Variants in VWA3B observed in about 807,000 individuals in gnomAD.
VWA3B encodes the protein von Willebrand factor A domain containing 3B.
In VWA3B, 138 loss-of-function variants were observed where a neutral mutation model predicts 158.3. The ratio of observed to expected loss-of-function variants is 0.87; its 90% CI spans 0.76 to 1.00. The LOEUF is 1.00. Ranked by LOEUF, VWA3B falls within the 50% of genes least tolerant of loss-of-function variation. The pLI is 0.00. For missense variants in VWA3B, 1,555 were observed against 1,565.1 expected (o/e 0.99, Z 0.11); for synonymous variants, 596 against 587.3 (o/e 1.01, Z -0.21).
At chr2:98,308,043 G>C (rs758861439) in intron 26 of VWA3B, among the ~76,000 whole-genome samples, 2 of 152,114 alleles carry the variant, frequency 1.3e-5, no homozygotes, top group Non-Finnish European at 2.9e-5. Flanking sequence ...TGAACACAGC[G>C]AAATCTGATG....
chr2:98,125,798 G>A lies in VWA3B; in HGVS notation c.703-2441G>A, dbSNP rs940042639. 1.3e-5 allele frequency among the ~76,000 whole-genome samples: 2 copies of A among 152,108 alleles called. No individual in the cohort carries two copies. Among genetic ancestry groups the A allele is most frequent in the African/African-American group, 2.4e-5 (1 of 41,414 alleles). The stretch of plus-strand genomic sequence containing the variant: ...CCTGCCTCAGCCTCCCCAGTAGCTG[G>A]GACTACAGGCGCCTGCCACCACATC... On this transcript the variant is annotated intron_variant, in intron 5 of 27. Transcript: ENST00000477737. The surrounding 1 kb of genome is among the most constrained non-coding windows in gnomAD (Gnocchi z 4.1).
At chr2:98,181,252 C>T (rs2105351333) in intron 9 of VWA3B, 40 bp downstream of exon 9, 4 of 1,595,514 alleles carry the variant, frequency 2.5e-6, no homozygotes, top group East Asian at 4.5e-5. Flanking sequence ...GGGGCCTCCC[C>T]TCAAGTCCTG....
intron 22 of VWA3B, among the ~76,000 whole-genome samples, chr2:98,284,111 G>A (rs1350063589): frequency 6.6e-6 from 1 of 152,170 alleles, no homozygotes; most frequent in Admixed American, 6.5e-5. Context: ...AGCAAAGTTT[G>A]GCTAAATGTG....
chr2:98,221,349 G>A (rs1444763331), intron 14 of VWA3B, among the ~76,000 whole-genome samples: 1 of 152,118 alleles, frequency 6.6e-6, no homozygotes, highest in African/African-American at 2.4e-5. Context: ...GAAGAGCACG[G>A]CTTAATAACA....
chr2:98,240,669 A>G (rs145823669), intron 19 of VWA3B, among the ~76,000 whole-genome samples: 2 of 152,298 alleles, frequency 1.3e-5, no homozygotes, highest in Non-Finnish European at 2.9e-5. Context: ...CCCTGAAAGT[A>G]GGATGCAGAC....
At chr2:98,290,645 C>T (rs550167180) in intron 23 of VWA3B, 23 bp downstream of exon 23, 42 of 1,456,328 alleles carry the variant, frequency 2.9e-5, no homozygotes, top group South Asian at 1.5e-4. Context: ...TTTTTAATTT[C>T]GTGAGGCTTT....
At chr2:98,163,551 C>A (rs769874574) in intron 8 of VWA3B, among the ~76,000 whole-genome samples, 9 of 152,024 alleles carry the variant, frequency 5.9e-5, no homozygotes, top group Non-Finnish European at 1.2e-4. Flanking sequence ...ACAACAACAA[C>A]AACAACAATA....
chr2:98,150,304 T>C (rs1420233530), intron 7 of VWA3B, among the ~76,000 whole-genome samples: 3 of 152,218 alleles, frequency 2.0e-5, no homozygotes, highest in African/African-American at 7.2e-5. Flanking sequence ...GACTGCTCTT[T>C]CCAGGTGATG....
In VWA3B at chr2:98,093,308, C is replaced by T; in HGVS notation, c.196+20C>T. 6.2e-7 allele frequency: 1 copy of T among 1,609,586 alleles called. No homozygotes were observed. The highest frequency in any genetic ancestry group is 8.5e-7 in the Non-Finnish European group (1 of 1,176,404). On this transcript the variant is annotated intron_variant, in intron 2 of 27. Coordinates refer to ENST00000477737, the MANE Select transcript of VWA3B (RefSeq NM_144992.5). ...GTGAAGGTACAGTACTCACAAACAA[C>T]CAGCATGCTGCCATTTAGCCTTTGA...
chr2:98,311,695 C>T, intron 26 of VWA3B, 124 bp from the exon 27 acceptor site: 1 of 1,168,046 alleles, frequency 8.6e-7, no homozygotes, highest in South Asian at 1.7e-5. Context: ...GCTCCAGAGA[C>T]TCCTTTCCAT....
chr2:98,121,867 G>A (rs966394685), intron 5 of VWA3B: 4 of 165,318 alleles, frequency 2.4e-5, no homozygotes, highest in African/African-American at 9.5e-5. Flanking sequence ...AGGAGAGAGA[G>A]ATTGGAAGAC....
At chr2:98,169,910 G>C (rs1679436443) in intron 8 of VWA3B, among the ~76,000 whole-genome samples, 1 of 152,078 alleles carries the variant, frequency 6.6e-6, no homozygotes, top group Non-Finnish European at 1.5e-5. Context: ...CTTCAGCCCA[G>C]GAGTTTGAGA....
At chr2:98,098,863 G>GT (rs1360448056) in intron 2 of VWA3B, among the ~76,000 whole-genome samples, 5 of 151,766 alleles carry the variant, frequency 3.3e-5, no homozygotes, top group African/African-American at 1.2e-4. Context: ...TATTTTTAGT[G>GT]TATCTATTAT....
intron 4 of VWA3B, 98 bp from the exon 5 acceptor site, chr2:98,121,201 G>T (rs1674929221): frequency 1.4e-6 from 2 of 1,426,310 alleles, no homozygotes; most frequent in Non-Finnish European, 1.9e-6. Context: ...TCTAGAGATG[G>T]ATGTTGGCAG....
At position 98,236,629 on chromosome 2, in the gene VWA3B, A is replaced by G; in HGVS notation, c.2572A>G (p.Lys858Glu). The change falls in exon 19 of 28, where the codon AAA (lysine) becomes GAA (glutamate). Residue 858 changes from lysine (K) to glutamate (E), a missense_variant. Physicochemically the swap from Lys to Glu is moderately conservative, Grantham distance 56 (BLOSUM62 1). Coordinates refer to ENST00000477737, the MANE Select transcript of VWA3B (RefSeq NM_144992.5). Reference protein sequence around the residue: ...WLKTYGLVAKKLTLMDALSVA... With the variant: ...WLKTYGLVAKELTLMDALSVA... ...GAAGACCTATGGCTTGGTCGCCAAG[A>G]AACTCACCCTCATGGATGCCTTGTC... 1.2e-6 allele frequency: 2 copies of G among 1,614,236 alleles called. No individual in the cohort carries two copies. The highest frequency in any genetic ancestry group is 2.2e-5 in the South Asian group (2 of 91,088).
At chr2:98,270,587 C>T in intron 21 of VWA3B, 95 bp from the exon 22 acceptor site, 1 of 1,304,074 alleles carries the variant, frequency 7.7e-7, no homozygotes, top group Non-Finnish European at 1.1e-6. Context: ...GGGAGAATTT[C>T]TTAGGAAACC....
chr2:98,110,951 T>C (rs1674089990), intron 2 of VWA3B, among the ~76,000 whole-genome samples: 2 of 152,218 alleles, frequency 1.3e-5, no homozygotes, highest in Non-Finnish European at 2.9e-5. Flanking sequence ...CTGCTGTCCA[T>C]GTAAGATGTG....
At chr2:98,139,610 G>A (rs1374597834) in intron 7 of VWA3B, among the ~76,000 whole-genome samples, 3 of 151,986 alleles carry the variant, frequency 2.0e-5, no homozygotes, top group African/African-American at 7.3e-5. Context: ...TGCACCAATT[G>A]ACACTCTGTA....
chr2:98,236,015 A>G (rs1685654066), intron 17 of VWA3B, among the ~76,000 whole-genome samples: 1 of 152,366 alleles, frequency 6.6e-6, no homozygotes, highest in South Asian at 2.1e-4. Flanking sequence ...TAAACAATCT[A>G]TCAGAAATTA....
Sources: allele counts gnomAD v4.1 joint callset (sites outside exome capture counted in the v4.1 genomes callset), GRCh38; gene constraint gnomAD v4.1.1; non-coding constraint Gnocchi (gnomAD v3.1); transcripts MANE v1.5; gene names NCBI Gene and HGNC (gene_info 2026-07-23, HGNC 2026-07-21).